Variants in SMARCA5 observed in about 807,000 individuals in gnomAD.
The protein encoded by SMARCA5 is SNF2 related chromatin remodeling ATPase 5, also known as SWI/SNF-related matrix-associated actin-dependent regulator of chromatin subfamily A member 5.
A neutral mutation model predicts 140.4 loss-of-function variants in SMARCA5; 18 were observed. The observed-to-expected ratio is 0.13, with a 90% CI of 0.09 to 0.19. SMARCA5 has a LOEUF of 0.19. Ranked by LOEUF, SMARCA5 falls within the 10% of genes least tolerant of loss-of-function variation. SMARCA5 has a pLI of 1.00. For synonymous variants in SMARCA5, 449 were observed against 419.6 expected (o/e 1.07, Z -0.86); for missense variants, 606 against 1,276.8 (o/e 0.47, Z 8.01).
At chr4:143,542,056 C>T (rs956707755) in intron 14 of SMARCA5, among the ~76,000 whole-genome samples, 1 of 152,054 alleles carries the variant, frequency 6.6e-6, no homozygotes, top group Non-Finnish European at 1.5e-5. Context: ...GACAGGGTTT[C>T]ACTTTGTTGG....
At chr4:143,550,743 T>C (rs1282129701) in intron 23 of SMARCA5, among the ~76,000 whole-genome samples, 1 of 152,106 alleles carries the variant, frequency 6.6e-6, no homozygotes, top group African/African-American at 2.4e-5. Flanking sequence ...CCATCCATGT[T>C]GCTGCAAATT....
chr4:143,549,970 C>T (rs371040402), intron 22 of SMARCA5, 27 bp from the exon 23 acceptor site: 19 of 1,250,418 alleles, frequency 1.5e-5, no homozygotes, highest in Non-Finnish European at 2.1e-5. Context: ...ATGGAAAGTG[C>T]GTGTACCATG....
chr4:143,529,867 C>A (rs538894643), intron 8 of SMARCA5, among the ~76,000 whole-genome samples: 52 of 152,062 alleles, frequency 3.4e-4, no homozygotes, highest in African/African-American at 1.2e-3. Flanking sequence ...TGAGATAATT[C>A]CTGTTTCTCA....
At chr4:143,539,514 T>G (rs1026140608) in intron 13 of SMARCA5, among the ~76,000 whole-genome samples, 5 of 150,806 alleles carry the variant, frequency 3.3e-5, no homozygotes, top group African/African-American at 1.2e-4. Context: ...AACCCAACTT[T>G]AATCTCTGTC....
At chr4:143,537,842 T>A (rs184374548) in intron 11 of SMARCA5, among the ~76,000 whole-genome samples, 1 of 146,482 alleles carries the variant, frequency 6.8e-6, no homozygotes, top group Non-Finnish European at 1.5e-5. Context: ...CACTTGAACC[T>A]GGGAGGCAGA....
chr4:143,545,444 TAAC>T, intron 17 of SMARCA5, 23 bp from the exon 18 acceptor site: 1 of 1,442,030 alleles, frequency 6.9e-7, no homozygotes, highest in South Asian at 1.2e-5. Flanking sequence ...TTTTTATGGA[TAAC>T]ACTTATTTTT....
rs1484796130 is a variant in SMARCA5, at chr4:143,513,904, G to A, written c.-21G>A. 1.3e-6 allele frequency: 2 copies of A among 1,536,248 alleles called. No homozygotes were observed. The highest frequency in any genetic ancestry group is 1.4e-5 in the African/African-American group (1 of 72,650). On this transcript the variant is annotated 5_prime_UTR_variant, in exon 1 of 24. Transcript: ENST00000283131. ...CCGGACTCGGGCCTCTGGCAGCAGC[G>A]GGTGACGCAGACGGAACATCATGTC...
intron 3 of SMARCA5, among the ~76,000 whole-genome samples, chr4:143,522,080 C>A (rs1342443898): frequency 1.3e-5 from 2 of 152,084 alleles, no homozygotes; most frequent in African/African-American, 4.8e-5. Flanking sequence ...ATGATCCAGA[C>A]TTGAATTTGA....
chr4:143,528,471 T>G lies in SMARCA5; in HGVS notation c.958-112T>G, dbSNP rs540504088. The G allele has an allele frequency of 2.0e-4, 168 of 841,492 alleles. 2 individuals carry two copies. The South Asian group carries it at 2.5e-3, about 12-fold the overall frequency. The allele number at this position is 841,492 out of a possible 1,614,324, so 52.1% of individuals were successfully genotyped here. A position where few individuals can be genotyped will look rare whatever the true frequency, so the allele number is the denominator to read the frequency against. ...TCGCTGATGTATATGTGCCATATTT[T>G]CTTTAACCGGTCTATCATTGTTGGG... On this transcript the variant is annotated intron_variant, in intron 7 of 23. Transcript: ENST00000283131.
In SMARCA5 at chr4:143,538,800, A is replaced by G. The variant is rs750636423; in HGVS notation, c.1632A>G (p.Ala544=). ...PHDERQDSIN[A]YNEPNSTKFV... is the part of the protein sequence containing the mutation. ...TTTATCCATAGGACTCCATCAATGC[A>G]TACAATGAACCAAACAGCACAAAGT... The change falls in exon 13 of 24, where the codon GCA becomes GCG. Residue 544 remains alanine, a synonymous_variant. Transcript: ENST00000283131. 1.1e-5 allele frequency: 18 copies of G among 1,614,052 alleles called. No homozygotes were observed. The highest frequency in any genetic ancestry group is 8.8e-5 in the South Asian group (8 of 91,070).
chr4:143,521,042 TA>T lies in SMARCA5; in HGVS notation c.253-383del, dbSNP rs1217714091. On this transcript the variant is annotated intron_variant, in intron 2 of 23. Coordinates refer to ENST00000283131, the MANE Select transcript of SMARCA5 (RefSeq NM_003601.4). ...CAACTGTATTGAAGTATAATTGACA[TA>T]AAATAATTTTAAGTTTGTAATTCAA... Among the ~76,000 whole-genome samples, 3 of 152,248 alleles carry T rather than the reference TA, an allele frequency of 2.0e-5. No homozygotes were observed. In the East Asian group the frequency reaches 5.8e-4, roughly 29 times the overall value.
At chr4:143,552,693 A>G (rs1169685082) in intron 23 of SMARCA5, among the ~76,000 whole-genome samples, 1 of 152,052 alleles carries the variant, frequency 6.6e-6, no homozygotes, top group Non-Finnish European at 1.5e-5. Flanking sequence ...GCAAACACTT[A>G]AAGGGAAAAA....
At chr4:143,527,055 A>G (rs1737089592) in intron 6 of SMARCA5, among the ~76,000 whole-genome samples, 1 of 152,184 alleles carries the variant, frequency 6.6e-6, no homozygotes. Flanking sequence ...ACATTTTTAG[A>G]TGAATGTGTG....
At position 143,553,142 on chromosome 4, in the gene SMARCA5, C is replaced by T. The variant is rs147359016; in HGVS notation, c.3117C>T (p.Gly1039=). The change falls in exon 24 of 24, where the codon GGC becomes GGT. Residue 1039 remains glycine (G), a synonymous_variant. Coordinates refer to ENST00000283131, the MANE Select transcript of SMARCA5 (RefSeq NM_003601.4). ...AGACACAGAAACGTAAAATGGATGGCGCACCTGATGGTCGAGGAAGAAAAA... is the reference window on the plus strand; with the variant it reads ...AGACACAGAAACGTAAAATGGATGGTGCACCTGATGGTCGAGGAAGAAAAA... ...KPSTQKRKMD[G]APDGRGRKKK... 241 of 1,612,260 alleles carry T rather than the reference C, an allele frequency of 1.5e-4. 2 individuals are homozygous for T. The African/African-American group carries it at 2.6e-3, about 17-fold the overall frequency.
chr4:143,555,000 T>A lies in SMARCA5; in HGVS notation c.*1816T>A. 2.1e-6 allele frequency: 1 copy of A among 473,522 alleles called. No homozygotes were observed. The highest frequency in any genetic ancestry group is 5.3e-5 in the East Asian group (1 of 18,776). 29.3% of individuals were successfully genotyped at this position (473,522 alleles called of 1,614,324 possible). A position where few individuals can be genotyped will look rare whatever the true frequency, so the allele number is the denominator to read the frequency against. On this transcript the variant is annotated 3_prime_UTR_variant, in exon 24 of 24. Coordinates refer to ENST00000283131, the MANE Select transcript of SMARCA5 (RefSeq NM_003601.4). ...CTGCCACCACTGTGTTTGGCCAAGT[T>A]CACAAATCTGTTTTAACCTGTCACT...
At chr4:143,550,352 G>C (rs572015828) in intron 23 of SMARCA5, among the ~76,000 whole-genome samples, 1 of 151,116 alleles carries the variant, frequency 6.6e-6, no homozygotes, top group East Asian at 1.9e-4. Flanking sequence ...TGTATTTATA[G>C]GTTACATGAG....
At position 143,556,596 on chromosome 4, in the gene SMARCA5, G is replaced by A. The variant is rs931825921; in HGVS notation, c.*3412G>A. On this transcript the variant is annotated 3_prime_UTR_variant, in exon 24 of 24. Transcript: ENST00000283131. The stretch of plus-strand genomic sequence containing the variant: ...GGAATGCTAGAAGACATGTATTAAC[G>A]GAGTAGCTGTTACCAAAATATATAC... 3.1e-4 allele frequency: 47 copies of A among 152,124 alleles called. No homozygotes were observed. The highest frequency in any genetic ancestry group is 5.3e-4 in the Non-Finnish European group (36 of 68,014). 9.4% of individuals were successfully genotyped at this position (152,124 alleles called of 1,614,324 possible). A position where few individuals can be genotyped will look rare whatever the true frequency, so the allele number is the denominator to read the frequency against.
At position 143,553,589 on chromosome 4, in the gene SMARCA5, C is replaced by A. The variant is rs573287925; in HGVS notation, c.*405C>A. On this transcript the variant is annotated 3_prime_UTR_variant, in exon 24 of 24. Coordinates refer to ENST00000283131, the MANE Select transcript of SMARCA5 (RefSeq NM_003601.4). ...ACCTAGTTGTGTAATTATTTTAATT[C>A]ACTTTGCCTTTGCAGAAATTTGGGT... 1.3e-5 allele frequency: 2 copies of A among 159,268 alleles called. No homozygotes were observed. The highest frequency in any genetic ancestry group is 3.7e-4 in the South Asian group (2 of 5,380). 9.9% of individuals were successfully genotyped at this position (159,268 alleles called of 1,614,324 possible). A position where few individuals can be genotyped will look rare whatever the true frequency, so the allele number is the denominator to read the frequency against.
intron 9 of SMARCA5, among the ~76,000 whole-genome samples, chr4:143,534,313 A>G (rs1005554511): frequency 3.9e-5 from 6 of 152,136 alleles, no homozygotes; most frequent in African/African-American, 1.4e-4. Context: ...GTCTTGTATT[A>G]CTACCCTTCA....
Sources: allele counts gnomAD v4.1 joint callset (sites outside exome capture counted in the v4.1 genomes callset), GRCh38; gene constraint gnomAD v4.1.1; transcripts MANE v1.5; gene names NCBI Gene and HGNC (gene_info 2026-07-23, HGNC 2026-07-21).